Variants in MAGEA12 observed in about 807,000 individuals in gnomAD.
The protein encoded by MAGEA12 is MAGE family member A12.
For synonymous variants in MAGEA12, 135 were observed against 104.7 expected, an observed-to-expected ratio of 1.29 and a Z score of -1.77; for missense variants, 235 against 240.1, an observed-to-expected ratio of 0.98 and a Z score of 0.14.
At chrX:152,734,342 C>T (rs1436071637) in intron 1 of MAGEA12, among the ~76,000 whole-genome samples, 7 of 111,513 alleles carry the variant, frequency 6.3e-5, no homozygotes, top group Non-Finnish European at 1.3e-4. Flanking sequence ...CGGATCCTGA[C>T]GTTCACATCT....
Position 152,736,330 on chromosome X carries a change from G to C in MAGEA12, c.169G>C (p.Glu57Gln), listed in dbSNP as rs1338640115. Reference sequence around the variant, plus strand: ...CACCCTGCGGGAGGTGCCTGCTGCCGAGTCACCAAGTCCTCCCCACAGTCC... The same window carrying C: ...CACCCTGCGGGAGGTGCCTGCTGCCCAGTCACCAAGTCCTCCCCACAGTCC... ...EVTLREVPAA[E>Q]SPSPPHSPQG... The change falls in exon 3 of 3, where the codon GAG (glutamate) becomes CAG (glutamine). Residue 57 changes from glutamate (E) to glutamine (Q), a missense_variant. Glu to Gln is a conservative substitution (Grantham distance 29, BLOSUM62 2). Transcript: ENST00000393869. The C allele has an allele frequency of 3.3e-6, 4 of 1,208,928 alleles. No individual in the cohort carries two copies. Among genetic ancestry groups the C allele is most frequent in the Admixed American group, 4.4e-5 (2 of 45,728 alleles).
chrX:152,734,209 A>G (rs1441597476), intron 1 of MAGEA12, among the ~76,000 whole-genome samples: 4 of 48,698 alleles, frequency 8.2e-5, no homozygotes, highest in African/African-American at 3.4e-4. Flanking sequence ...CAAACCCACC[A>G]CCATCGCTCA....
chrX:152,735,309 GC>G, intron 2 of MAGEA12, 56 bp downstream of exon 2: 1 of 121,898 alleles, frequency 8.2e-6, no homozygotes. Flanking sequence ...CTGACAGAGG[GC>G]CCCACAGAAA....
rs1932281436 is a variant in MAGEA12 at position 152,735,151 on chromosome X, T to G, written c.-178T>G. 8.8e-6 allele frequency: 1 copy of G among 113,117 alleles called. No individual in the cohort carries two copies. 9.3% of individuals were successfully genotyped at this position (113,117 alleles called of 1,213,427 possible). ...TCCTCCTCACTTCTGTTTCCAGATC[T>G]CAGGGAGTTGAGGACCTTTTCTTCA... On this transcript the variant is annotated 5_prime_UTR_variant, in exon 2 of 3. Coordinates refer to ENST00000393869, the MANE Select transcript of MAGEA12 (RefSeq NM_001166387.4).
chrX:152,737,514 A>C lies in MAGEA12; in HGVS notation c.*408A>C, dbSNP rs1413653197. On this transcript the variant is annotated 3_prime_UTR_variant, in exon 3 of 3. Coordinates refer to ENST00000393869, the MANE Select transcript of MAGEA12 (RefSeq NM_001166387.4). ...TGCTTAGAATTGTGAAAGAATTAGCAGTAAAATACATGAGATAAAGACCTC... is the reference window on the plus strand; with the variant it reads ...TGCTTAGAATTGTGAAAGAATTAGCCGTAAAATACATGAGATAAAGACCTC... 95 of 271,116 alleles carry C rather than the reference A, an allele frequency of 3.5e-4. No homozygotes were observed. The highest frequency in any genetic ancestry group is 2.5e-3 in the African/African-American group (91 of 35,747). 22.3% of individuals were successfully genotyped at this position (271,116 alleles called of 1,213,427 possible). A position where few individuals can be genotyped will look rare whatever the true frequency, so the allele number is the denominator to read the frequency against.
chrX:152,735,095 G>A, intron 1 of MAGEA12, 53 bp from the exon 2 acceptor site: 1 of 113,979 alleles, frequency 8.8e-6, no homozygotes. Flanking sequence ...GTCAGCCCTG[G>A]ACAACCTACC....
intron 2 of MAGEA12, 74 bp from the exon 3 acceptor site, chrX:152,736,013 C>T: frequency 3.3e-6 from 2 of 605,420 alleles, no homozygotes; most frequent in Non-Finnish European, 2.6e-6. Flanking sequence ...CTCACCCTCC[C>T]TACTGTCATT....
rs2233051 is a variant in MAGEA12 at position 152,735,272 on chromosome X, G to C, written c.-76+19G>C. 2.0e-3 allele frequency: 247 copies of C among 121,660 alleles called. 1 individual carries two copies. Among genetic ancestry groups the C allele is most frequent in the African/African-American group, 7.5e-3 (233 of 31,063 alleles). 10.0% of individuals were successfully genotyped at this position (121,660 alleles called of 1,213,427 possible). The stretch of plus-strand genomic sequence containing the variant: ...CATCCAGGTGAGAAGCCTGAGGTAG[G>C]ATTGAGGGTACCCCTGGGCCAGAAC... On this transcript the variant is annotated intron_variant, in intron 2 of 2. Coordinates refer to ENST00000393869, the MANE Select transcript of MAGEA12 (RefSeq NM_001166387.4).
chrX:152,734,224 T>A (rs1431078019), intron 1 of MAGEA12, among the ~76,000 whole-genome samples: 1 of 76,615 alleles, frequency 1.3e-5, no homozygotes, highest in African/African-American at 5.2e-5. Context: ...CGCTCAAACA[T>A]CAACGGGACC....
chrX:152,735,877 C>T (rs1185045442), intron 2 of MAGEA12, among the ~76,000 whole-genome samples: 1 of 112,423 alleles, frequency 8.9e-6, no homozygotes, highest in East Asian at 2.8e-4. Flanking sequence ...AGGCCTTGGT[C>T]TGAGGCAGTG....
Position 152,736,428 on chromosome X carries a change from C to T in MAGEA12, c.267C>T (p.Asn89=), listed in dbSNP as rs371698932. The T allele has an allele frequency of 3.0e-5, 36 of 1,209,955 alleles. No homozygotes were observed. The East Asian group carries it at 8.3e-4, about 28-fold the overall frequency. ...LWSQSDEGSS[N]EEQEGPSTFP... is the part of the protein sequence containing the mutation. ...GTCAATCCGATGAGGGCTCCAGCAA[C>T]GAAGAACAGGAAGGGCCAAGCACCT... The change falls in exon 3 of 3, where the codon AAC becomes AAT. Residue 89 remains asparagine (N), a synonymous_variant. Coordinates refer to ENST00000393869, the MANE Select transcript of MAGEA12 (RefSeq NM_001166387.4).
chrX:152,737,222 C>A lies in MAGEA12; in HGVS notation c.*116C>A. On this transcript the variant is annotated 3_prime_UTR_variant, in exon 3 of 3. Coordinates refer to ENST00000393869, the MANE Select transcript of MAGEA12 (RefSeq NM_001166387.4). The stretch of plus-strand genomic sequence containing the variant: ...TGTGACATGAGGCCCATTCTTCACT[C>A]TTTGAAGAGAGCAGTCAGTATTGTT... 1 of 741,994 alleles carries A rather than the reference C, an allele frequency of 1.3e-6. No individual in the cohort carries two copies. The highest frequency in any genetic ancestry group is 2.1e-6 in the Non-Finnish European group (1 of 479,979). 61.1% of individuals were successfully genotyped at this position (741,994 alleles called of 1,213,427 possible). A position where few individuals can be genotyped will look rare whatever the true frequency, so the allele number is the denominator to read the frequency against.
At chrX:152,734,994 G>T (rs1432284613) in intron 1 of MAGEA12, among the ~76,000 whole-genome samples, 154 bp from the exon 2 acceptor site, 32 of 112,075 alleles carry the variant, frequency 2.9e-4, no homozygotes, top group Non-Finnish European at 9.4e-5. Flanking sequence ...CATTTCAGGG[G>T]GTTGGGGGTT....
chrX:152,735,443 A>G (rs1438974139), intron 2 of MAGEA12, among the ~76,000 whole-genome samples, 190 bp downstream of exon 2: 18 of 111,559 alleles, frequency 1.6e-4, no homozygotes, highest in Admixed American at 1.6e-3. Context: ...GGCTGCACTC[A>G]GGTCAGTAGA....
At position 152,737,395 on chromosome X, in the gene MAGEA12, A is replaced by G. The variant is rs111344124; in HGVS notation, c.*289A>G. 8 of 441,065 alleles carry G rather than the reference A, an allele frequency of 1.8e-5. No individual in the cohort carries two copies. Among genetic ancestry groups the G allele is most frequent in the African/African-American group, 1.2e-4 (5 of 42,674 alleles). The allele number at this position is 441,065 out of a possible 1,213,427, so 36.3% of individuals were successfully genotyped here. On this transcript the variant is annotated 3_prime_UTR_variant, in exon 3 of 3. Coordinates refer to ENST00000393869, the MANE Select transcript of MAGEA12 (RefSeq NM_001166387.4). ...AGTAGTCACACATAGTGCTGTTTAT[A>G]TAGTTTAGGAGTAAGAGTGTTGTTT...
In MAGEA12 at chrX:152,736,971, G is replaced by T. The variant is rs1191620896; in HGVS notation, c.810G>T (p.Glu270Asp). The T allele has an allele frequency of 1.6e-6, 2 of 1,212,198 alleles. No individual in the cohort carries two copies. The highest frequency in any genetic ancestry group is 2.2e-6 in the Non-Finnish European group (2 of 895,646). ...CCGGCAGTGATCCTGCATGCTACGAGTTCCTGTGGGGTCCAAGGGCCCTCG... is the reference window on the plus strand; with the variant it reads ...CCGGCAGTGATCCTGCATGCTACGATTTCCTGTGGGGTCCAAGGGCCCTCG... ...QVPGSDPACYEFLWGPRALVE... is the reference protein window; with the variant it reads ...QVPGSDPACYDFLWGPRALVE... Residue 270 changes from glutamate (E) to aspartate (D), a missense_variant, in exon 3 of 3, where the codon GAG (glutamate) becomes GAT (aspartate). Physicochemically the swap from Glu to Asp is conservative, Grantham distance 45 (BLOSUM62 2). Coordinates refer to ENST00000393869, the MANE Select transcript of MAGEA12 (RefSeq NM_001166387.4).
chrX:152,734,230 G>T (rs1469354084), intron 1 of MAGEA12, among the ~76,000 whole-genome samples: 1 of 98,476 alleles, frequency 1.0e-5, no homozygotes, highest in Non-Finnish European at 2.0e-5. Flanking sequence ...AACATCAACG[G>T]GACCCCCAAA....
chrX:152,734,354 T>TAC (rs1932252198), intron 1 of MAGEA12, among the ~76,000 whole-genome samples: 12 of 111,273 alleles, frequency 1.1e-4, no homozygotes, highest in Non-Finnish European at 1.7e-4. Flanking sequence ...TTCACATCTG[T>TAC]GGCTCAGGGA....
intron 2 of MAGEA12, among the ~76,000 whole-genome samples, chrX:152,735,849 T>C (rs1429564394): frequency 1.8e-5 from 2 of 111,885 alleles, no homozygotes; most frequent in African/African-American, 6.5e-5. Flanking sequence ...AATCAGGAGT[T>C]CCAAGAACAA....
Sources: gnomAD v4.1 joint callset for allele counts (sites outside exome capture counted in the v4.1 genomes callset) on GRCh38, gnomAD v4.1.1 for gene constraint, MANE v1.5 for transcripts, NCBI Gene and HGNC (gene_info 2026-07-23, HGNC 2026-07-21) for gene names.